Variants in SLC24A2 observed in about 807,000 individuals in gnomAD.
SLC24A2 encodes sodium/potassium/calcium exchanger 2.
Under a neutral mutation model 62.0 loss-of-function variants are expected in SLC24A2, and 36 were observed. The observed-to-expected ratio is 0.58, with a 90% CI of 0.44 to 0.77. The LOEUF (loss-of-function observed/expected upper bound fraction) is 0.77. Ranked by LOEUF, SLC24A2 falls within the 30% of genes least tolerant of loss-of-function variation. The probability of loss-of-function intolerance (pLI) is 0.00; values close to 1 mark genes in which losing one functional copy is unlikely to be tolerated. For missense variants in SLC24A2, 846 were observed against 817.9 expected, an observed-to-expected ratio of 1.03 and a Z score of -0.42; for synonymous variants, 358 against 294.0, an observed-to-expected ratio of 1.22 and a Z score of -2.23.
chr9:20,063,722 A>T, the SLC24A2 span, among the ~76,000 whole-genome samples: 2 of 152,208 alleles, frequency 1.3e-5, no homozygotes, highest in Non-Finnish European at 2.9e-5. Flanking sequence ...ACACAACCCA[A>T]TTAGAAAATG....
chr9:19,600,033 G>A (rs1429165201), intron 4 of SLC24A2, among the ~76,000 whole-genome samples: 3 of 152,186 alleles, frequency 2.0e-5, no homozygotes, highest in Non-Finnish European at 4.4e-5. Flanking sequence ...ACATTATCTA[G>A]CACTGTTCGC....
intron 2 of SLC24A2, among the ~76,000 whole-genome samples, chr9:19,642,508 C>T (rs186214522): frequency 9.9e-5 from 15 of 152,100 alleles, no homozygotes; most frequent in African/African-American, 2.7e-4. Flanking sequence ...CCAAGCTAAG[C>T]GTATACTGTA....
chr9:19,844,817 G>C, the SLC24A2 span, among the ~76,000 whole-genome samples: 1 of 152,124 alleles, frequency 6.6e-6, no homozygotes, highest in African/African-American at 2.4e-5. Flanking sequence ...TTGAAGATCA[G>C]ATGGCTGTAG....
chr9:19,704,226 G>A (rs532031722), intron 2 of SLC24A2, among the ~76,000 whole-genome samples: 45 of 152,268 alleles, frequency 3.0e-4, no homozygotes, highest in South Asian at 1.5e-3. Flanking sequence ...CCAGTGATTC[G>A]CACATGCATT....
At chr9:19,576,859 C>T (rs749584962) in intron 6 of SLC24A2, 65 bp downstream of exon 6, 9 of 1,242,274 alleles carry the variant, frequency 7.2e-6, no homozygotes, top group Non-Finnish European at 1.1e-5. Flanking sequence ...CCACACTGGT[C>T]CTGACTCTCT....
chr9:19,841,103 A>G, the SLC24A2 span, among the ~76,000 whole-genome samples: 1,122 of 152,286 alleles, frequency 7.4e-3, 3 homozygotes, highest in Non-Finnish European at 0.012. Flanking sequence ...ACCACTCAAT[A>G]AACACGTATT....
At chr9:20,221,479 G>T in the SLC24A2 span, among the ~76,000 whole-genome samples, 1 of 151,958 alleles carries the variant, frequency 6.6e-6, no homozygotes, top group Non-Finnish European at 1.5e-5. Context: ...GAGGACAGAG[G>T]AGTTGTCAGA....
chr9:20,274,682 T>G, the SLC24A2 span, among the ~76,000 whole-genome samples: 1 of 152,156 alleles, frequency 6.6e-6, no homozygotes, highest in African/African-American at 2.4e-5. Flanking sequence ...CCTCCTGCCT[T>G]GTGCCTGGGC....
At chr9:19,519,658 GCA>G (rs998786183) in intron 10 of SLC24A2, among the ~76,000 whole-genome samples, 5 of 152,160 alleles carry the variant, frequency 3.3e-5, no homozygotes. Flanking sequence ...CTCTTGGGAT[GCA>G]CAGTCTAGCA....
the SLC24A2 span, among the ~76,000 whole-genome samples, chr9:20,300,025 GAGTAA>G: frequency 3.3e-5 from 5 of 152,210 alleles, no homozygotes; most frequent in African/African-American, 4.8e-5. Context: ...TCCTGAGAAA[GAGTAA>G]AGTATTCTGA....
At position 19,573,426 on chromosome 9, in the gene SLC24A2, C is replaced by T. The variant is rs181643535; in HGVS notation, c.1272G>A (p.Met424Ile). The T allele has an allele frequency of 3.7e-5, 60 of 1,611,782 alleles. No homozygotes were observed. The highest frequency in any genetic ancestry group is 5.0e-5 in the Non-Finnish European group (59 of 1,178,990). ...GTTCTGAAGCATCACTGGATGGTGT[C>T]ATTTCAACATCTGTGCTGGTGCTGT... The part of the protein sequence containing the change: ...LPNSTSTDVE[M>I]TPSSDASEPV... Residue 424 changes from methionine to isoleucine, a missense_variant, in exon 7 of 11, where the codon ATG (methionine) becomes ATA (isoleucine). Coordinates refer to ENST00000341998, the MANE Select transcript of SLC24A2 (RefSeq NM_020344.4).
chr9:19,826,865 T>C, the SLC24A2 span, among the ~76,000 whole-genome samples: 1 of 152,196 alleles, frequency 6.6e-6, no homozygotes. Flanking sequence ...GTGAAGCACC[T>C]TGGAATGTGG....
chr9:20,182,892 T>C, the SLC24A2 span, among the ~76,000 whole-genome samples: 7 of 152,228 alleles, frequency 4.6e-5, no homozygotes, highest in African/African-American at 1.4e-4. Context: ...TAGGTATACA[T>C]TGGGCCACAA....
chr9:20,182,667 G>C, the SLC24A2 span, among the ~76,000 whole-genome samples: 4 of 152,274 alleles, frequency 2.6e-5, no homozygotes, highest in Non-Finnish European at 5.9e-5. Flanking sequence ...ATAGCATTAG[G>C]AGAAATACCT....
At chr9:20,198,694 C>G in the SLC24A2 span, among the ~76,000 whole-genome samples, 1 of 151,962 alleles carries the variant, frequency 6.6e-6, no homozygotes, top group Non-Finnish European at 1.5e-5. Context: ...TCCACCCCCA[C>G]CCCCTTCTCT....
chr9:19,728,332 A>AC (rs1564066809), intron 2 of SLC24A2, among the ~76,000 whole-genome samples: 1 of 151,638 alleles, frequency 6.6e-6, no homozygotes, highest in Non-Finnish European at 1.5e-5. Context: ...ACTCACTCCC[A>AC]GCTGGATAAC....
At chr9:19,946,240 A>G in the SLC24A2 span, among the ~76,000 whole-genome samples, 1 of 152,172 alleles carries the variant, frequency 6.6e-6, no homozygotes, top group Non-Finnish European at 1.5e-5. Flanking sequence ...GTGGAGCCCT[A>G]ATTAATGAGT....
At chr9:19,982,357 C>G in the SLC24A2 span, among the ~76,000 whole-genome samples, 1 of 152,028 alleles carries the variant, frequency 6.6e-6, no homozygotes, top group Non-Finnish European at 1.5e-5. Context: ...GCAGAATAAC[C>G]CATAAAGGCA....
At chr9:20,283,793 C>T in the SLC24A2 span, among the ~76,000 whole-genome samples, 1 of 151,244 alleles carries the variant, frequency 6.6e-6, no homozygotes, top group Non-Finnish European at 1.5e-5. Context: ...ACTTTATAGG[C>T]TCGCCTCTTT....
Sources: allele counts gnomAD v4.1 joint callset (sites outside exome capture counted in the v4.1 genomes callset), GRCh38; gene constraint gnomAD v4.1.1; transcripts MANE v1.5; gene names NCBI Gene and HGNC (gene_info 2026-07-23, HGNC 2026-07-21).